SDK1: variants seen among roughly 807,000 people sequenced by gnomAD.
SDK1 encodes sidekick cell adhesion molecule 1, also known as protein sidekick-1.
Under a neutral mutation model 245.5 loss-of-function variants are expected in SDK1, and 157 were observed. That is an observed-to-expected ratio of 0.64 (90% CI 0.56 to 0.73). The LOEUF is 0.73. SDK1 is among the 30% of genes least tolerant of loss of function. The probability of loss-of-function intolerance (pLI) is 0.00; values close to 1 mark genes in which losing one functional copy is unlikely to be tolerated. For missense variants in SDK1, 3,583 were observed against 3,002.3 expected, an observed-to-expected ratio of 1.19 and a Z score of -4.52; for synonymous variants, 1,647 against 1,278.5, an observed-to-expected ratio of 1.29 and a Z score of -6.15.
At chr7:3,528,826 A>G (rs1294848740) in intron 1 of SDK1, among the ~76,000 whole-genome samples, 1 of 149,304 alleles carries the variant, frequency 6.7e-6, no homozygotes, top group African/African-American at 2.6e-5. Flanking sequence ...AGACTCAGAG[A>G]GAGAGGTAGG....
At chr7:3,482,830 G>T (rs1197286468) in intron 1 of SDK1, among the ~76,000 whole-genome samples, 1 of 152,152 alleles carries the variant, frequency 6.6e-6, no homozygotes, top group Non-Finnish European at 1.5e-5. Context: ...CAACTCACAG[G>T]ACATAAAATG....
intron 35 of SDK1, among the ~76,000 whole-genome samples, chr7:4,204,862 G>T (rs537740642): frequency 1.4e-5 from 2 of 140,502 alleles, no homozygotes; most frequent in Non-Finnish European, 3.1e-5. Context: ...AAAGTGCGCA[G>T]CGTGGAATTC....
At chr7:3,451,642 C>T (rs1780518079) in intron 1 of SDK1, among the ~76,000 whole-genome samples, 1 of 152,098 alleles carries the variant, frequency 6.6e-6, no homozygotes, top group South Asian at 2.1e-4. Flanking sequence ...TAACATAGGA[C>T]TGAGTGATTT....
rs34838736 is a variant in SDK1, at chr7:3,787,146, T to TCACACACA, written c.714-34270_714-34263dup. Among the ~76,000 whole-genome samples, 1,215 of 137,714 alleles carry TCACACACA rather than the reference T, an allele frequency of 8.8e-3. 14 individuals carry two copies. Among genetic ancestry groups the TCACACACA allele is most frequent in the African/African-American group, 0.023 (860 of 37,054 alleles). 90.3% of individuals were successfully genotyped at this position (137,714 alleles called of 152,430 possible). A position where few individuals can be genotyped will look rare whatever the true frequency, so the allele number is the denominator to read the frequency against. On this transcript the variant is annotated intron_variant, in intron 4 of 44. Coordinates refer to ENST00000404826, the MANE Select transcript of SDK1 (RefSeq NM_152744.4). ...TTCCAGAAAAGACTTAGTATTGAAA[T>TCACACACA]CACACACACACACACACACACACAC... is the stretch of plus-strand genomic sequence containing the variant.
At chr7:3,961,482 T>C (rs922853625) in intron 8 of SDK1, among the ~76,000 whole-genome samples, 1 of 152,232 alleles carries the variant, frequency 6.6e-6, no homozygotes, top group Non-Finnish European at 1.5e-5. Context: ...TGTCAAGATA[T>C]GTTTTTTATT....
At chr7:3,616,213 A>C (rs1583230868) in intron 1 of SDK1, among the ~76,000 whole-genome samples, 1 of 152,144 alleles carries the variant, frequency 6.6e-6, no homozygotes. Context: ...GCTAATCATC[A>C]TCATCATCAT....
chr7:3,755,592 G>C (rs914178582), intron 4 of SDK1, among the ~76,000 whole-genome samples: 5 of 152,088 alleles, frequency 3.3e-5, no homozygotes, highest in African/African-American at 1.2e-4. Flanking sequence ...AACAGAGTCT[G>C]ATAACCACCT....
intron 5 of SDK1, among the ~76,000 whole-genome samples, chr7:3,841,424 T>G (rs191679264): frequency 3.3e-5 from 5 of 152,330 alleles, no homozygotes; most frequent in African/African-American, 1.2e-4. Flanking sequence ...ACCATTTGCT[T>G]GGCAGCACAG....
At chr7:3,473,300 A>T (rs961159826) in intron 1 of SDK1, among the ~76,000 whole-genome samples, 4 of 152,168 alleles carry the variant, frequency 2.6e-5, no homozygotes, top group African/African-American at 9.7e-5. Flanking sequence ...TCCTTTCCCA[A>T]ACTGGGGAAT....
At chr7:4,069,747 C>T (rs912843552) in intron 20 of SDK1, among the ~76,000 whole-genome samples, 7 of 152,246 alleles carry the variant, frequency 4.6e-5, no homozygotes, top group Non-Finnish European at 8.8e-5. Flanking sequence ...ATGACAGCGG[C>T]AATGATGACC....
intron 1 of SDK1, among the ~76,000 whole-genome samples, chr7:3,451,635 CAT>C (rs1780517815): frequency 1.3e-5 from 2 of 152,130 alleles, no homozygotes; most frequent in African/African-American, 4.8e-5. Flanking sequence ...TTACATGTAA[CAT>C]AGGACTGAGT....
At chr7:3,775,823 G>T (rs28563149) in intron 4 of SDK1, among the ~76,000 whole-genome samples, 1 of 152,052 alleles carries the variant, frequency 6.6e-6, no homozygotes, top group Admixed American at 6.5e-5. Context: ...TGATCCACCC[G>T]CCTCGGCCTC....
intron 4 of SDK1, among the ~76,000 whole-genome samples, chr7:3,687,896 G>A (rs551031558): frequency 1.3e-5 from 2 of 152,286 alleles, no homozygotes; most frequent in South Asian, 2.1e-4. Flanking sequence ...ACCCAGGATT[G>A]CTGTATTTTT....
chr7:3,467,817 G>A (rs549235981), intron 1 of SDK1, among the ~76,000 whole-genome samples: 1 of 152,070 alleles, frequency 6.6e-6, no homozygotes, highest in Non-Finnish European at 1.5e-5. Flanking sequence ...TGGAAATTTA[G>A]TCTTTTTCCC....
rs572158113 is a variant in SDK1 at position 3,927,283 on chromosome 7, A to AT, written c.848-23630dup. On this transcript the variant is annotated intron_variant, in intron 5 of 44. Coordinates refer to ENST00000404826, the MANE Select transcript of SDK1 (RefSeq NM_152744.4). ...CAACCATATTGCTAATTGAAATAGA[A>AT]TTTTTTTTTTAAATTCAGGAAATGT... 8.8e-4 allele frequency among the ~76,000 whole-genome samples: 133 copies of AT among 151,022 alleles called. No individual in the cohort carries two copies. The Middle Eastern group carries it at 0.01, about 12-fold the overall frequency.
At chr7:3,685,880 T>C (rs1039745779) in intron 4 of SDK1, among the ~76,000 whole-genome samples, 10 of 151,910 alleles carry the variant, frequency 6.6e-5, no homozygotes, top group African/African-American at 2.4e-4. Flanking sequence ...AATAATAAAA[T>C]GGCACGTTTA....
At position 4,127,527 on chromosome 7, in the gene SDK1, T is replaced by G. The variant is rs748652490; in HGVS notation, c.3939+31T>G. 9 of 1,516,824 alleles carry G rather than the reference T, an allele frequency of 5.9e-6. No individual in the cohort carries two copies. The South Asian group carries it at 1.0e-4, about 17-fold the overall frequency. The allele number at this position is 1,516,824 out of a possible 1,614,324, so 94.0% of individuals were successfully genotyped here. ...TGATCACAGGATGACCTCCCTTTGC[T>G]TAAAGAGTGGGCTGGGGAAATGGGA... On this transcript the variant is annotated intron_variant, in intron 26 of 44. Coordinates refer to ENST00000404826, the MANE Select transcript of SDK1 (RefSeq NM_152744.4).
intron 13 of SDK1, among the ~76,000 whole-genome samples, chr7:3,980,726 G>A (rs967848892): frequency 6.6e-6 from 1 of 152,158 alleles, no homozygotes; most frequent in East Asian, 1.9e-4. Context: ...GGTAGATCAC[G>A]AGGTCAAGAT....
chr7:3,940,679 G>C (rs528238156), intron 5 of SDK1, among the ~76,000 whole-genome samples: 1 of 151,974 alleles, frequency 6.6e-6, no homozygotes, highest in South Asian at 2.1e-4. Flanking sequence ...AAAATAGCCG[G>C]GTGTCGTGGC....
Sources: gnomAD v4.1 joint callset for allele counts (sites outside exome capture counted in the v4.1 genomes callset) on GRCh38, gnomAD v4.1.1 for gene constraint, MANE v1.5 for transcripts, NCBI Gene and HGNC (gene_info 2026-07-23, HGNC 2026-07-21) for gene names.